Variants in PRKN observed in about 807,000 individuals in gnomAD.
PRKN encodes parkin RBR E3 ubiquitin protein ligase.
In PRKN, 56 loss-of-function variants were observed where a neutral mutation model predicts 59.5. The observed-to-expected ratio is 0.94, with a 90% CI of 0.76 to 1.18. The LOEUF is 1.18. Among genes scored for constraint, PRKN ranks in the 50% most tolerant of loss-of-function variants. The pLI is 0.00. For missense variants in PRKN, 657 were observed against 596.4 expected (o/e 1.10, Z -1.06); for synonymous variants, 250 against 222.1 (o/e 1.13, Z -1.12).
chr6:161,509,648 G>A (rs138275499), intron 9 of PRKN, among the ~76,000 whole-genome samples: 270 of 152,126 alleles, frequency 1.8e-3, no homozygotes, highest in African/African-American at 6.0e-3. Flanking sequence ...GTGAGAGGCC[G>A]AGGAGGGTGG....
intron 2 of PRKN, among the ~76,000 whole-genome samples, chr6:162,407,943 A>T (rs531172064): frequency 9.0e-5 from 13 of 144,234 alleles, no homozygotes; most frequent in East Asian, 7.9e-4. Context: ...TTCCTAATTT[A>T]AAAAAAAAAA....
At chr6:161,991,035 C>A (rs560760169) in intron 5 of PRKN, among the ~76,000 whole-genome samples, 1 of 152,192 alleles carries the variant, frequency 6.6e-6, no homozygotes, top group Non-Finnish European at 1.5e-5. Context: ...AAAGCTATCC[C>A]CATCAGACAA....
intron 3 of PRKN, among the ~76,000 whole-genome samples, chr6:162,245,776 G>C (rs922432797): frequency 6.6e-6 from 1 of 152,048 alleles, no homozygotes; most frequent in Non-Finnish European, 1.5e-5. Context: ...ATTTCCCTTT[G>C]GTGGTCACAG....
At chr6:161,897,445 T>C (rs1777670672) in intron 6 of PRKN, among the ~76,000 whole-genome samples, 2 of 152,330 alleles carry the variant, frequency 1.3e-5, no homozygotes, top group Admixed American at 1.3e-4. Context: ...TAAAGTATTA[T>C]CTCTTTTTTA....
At chr6:161,857,809 G>T (rs538989563) in intron 6 of PRKN, among the ~76,000 whole-genome samples, 16 of 152,298 alleles carry the variant, frequency 1.1e-4, no homozygotes, top group African/African-American at 3.8e-4. Context: ...CACTTCCAGT[G>T]AGCTCGAGTT....
chr6:162,044,919 G>T (rs1784196139), intron 5 of PRKN, among the ~76,000 whole-genome samples: 1 of 152,150 alleles, frequency 6.6e-6, no homozygotes, highest in Non-Finnish European at 1.5e-5. Context: ...TTCACAGAGG[G>T]AAGTCCTTGC....
At position 161,550,486 on chromosome 6, in the gene PRKN, T is replaced by C. The variant is rs1367213204; in HGVS notation, c.934-1483A>G. Among the ~76,000 whole-genome samples, 2 of 152,216 alleles carry C rather than the reference T, an allele frequency of 1.3e-5. No homozygotes were observed. The highest frequency in any genetic ancestry group is 4.8e-5 in the African/African-American group (2 of 41,456). On this transcript the variant is annotated intron_variant, in intron 8 of 11. Transcript: ENST00000366898. The surrounding 1 kb of genome is among the most constrained non-coding windows in gnomAD (Gnocchi z 4.0). The stretch of plus-strand genomic sequence containing the variant: ...ATCTATGACGTAAGCTAGGAGCTTA[T>C]GTCAACATCTATGCAAAAGATGGCA...
chr6:161,898,538 G>A (rs997014465), intron 6 of PRKN, among the ~76,000 whole-genome samples: 3 of 152,186 alleles, frequency 2.0e-5, no homozygotes, highest in Non-Finnish European at 2.9e-5. Flanking sequence ...CACAGCCATC[G>A]TTTATGGGAA....
At chr6:162,363,250 C>T (rs1409931672) in intron 2 of PRKN, among the ~76,000 whole-genome samples, 1 of 152,004 alleles carries the variant, frequency 6.6e-6, no homozygotes, top group African/African-American at 2.4e-5. Flanking sequence ...TAGTGTTCTG[C>T]AGAGGCAATT....
rs531531455 is a variant in PRKN, at chr6:162,081,199, C to T, written c.535-27025G>A. 2.0e-5 allele frequency among the ~76,000 whole-genome samples: 3 copies of T among 152,122 alleles called. No homozygotes were observed. The South Asian group carries it at 6.2e-4, about 32-fold the overall frequency. On this transcript the variant is annotated intron_variant, in intron 4 of 11. Coordinates refer to ENST00000366898, the MANE Select transcript of PRKN (RefSeq NM_004562.3). ...CTATTAATCTTCATATTTTGACCTC[C>T]ACTCATGAATCATGAAGTTCTTAAT...
chr6:162,115,450 C>A (rs568794579), intron 4 of PRKN, among the ~76,000 whole-genome samples: 5 of 151,300 alleles, frequency 3.3e-5, no homozygotes, highest in African/African-American at 1.2e-4. Context: ...ACATATGTAA[C>A]TAACCTGCAC....
intron 1 of PRKN, among the ~76,000 whole-genome samples, chr6:162,715,438 G>A (rs549709838): frequency 1.3e-5 from 2 of 152,300 alleles, no homozygotes; most frequent in East Asian, 3.9e-4. Context: ...AAGACAGTCT[G>A]AAGTACACAA....
At chr6:161,998,552 T>A (rs960580486) in intron 5 of PRKN, among the ~76,000 whole-genome samples, 3 of 152,124 alleles carry the variant, frequency 2.0e-5, no homozygotes, top group Non-Finnish European at 4.4e-5. Context: ...CAGGGCTCCA[T>A]CCAGTTATCC....
chr6:162,696,971 A>G (rs1482118203), intron 1 of PRKN, among the ~76,000 whole-genome samples: 1 of 152,226 alleles, frequency 6.6e-6, no homozygotes, highest in Non-Finnish European at 1.5e-5. Flanking sequence ...TATAATTAAC[A>G]TATCTATAAA....
At chr6:161,891,431 TTTCGTATTG>T (rs1230489260) in intron 6 of PRKN, among the ~76,000 whole-genome samples, 2 of 152,224 alleles carry the variant, frequency 1.3e-5, no homozygotes, top group African/African-American at 2.4e-5. Context: ...CTTCCTTCAA[TTTCGTATTG>T]TTCGGTGTGT....
chr6:162,596,414 A>C (rs977281222), intron 1 of PRKN, among the ~76,000 whole-genome samples: 1 of 152,190 alleles, frequency 6.6e-6, no homozygotes, highest in Non-Finnish European at 1.5e-5. Context: ...TTACCATGTG[A>C]TGTTTCTTAC....
chr6:162,604,913 C>T (rs926913139), intron 1 of PRKN, among the ~76,000 whole-genome samples: 3 of 152,146 alleles, frequency 2.0e-5, no homozygotes, highest in African/African-American at 4.8e-5. Flanking sequence ...GGCAGCACTT[C>T]ACTTCATTTC....
intron 2 of PRKN, among the ~76,000 whole-genome samples, chr6:162,291,870 T>C (rs1002948771): frequency 1.3e-5 from 2 of 151,914 alleles, no homozygotes; most frequent in African/African-American, 4.8e-5. Context: ...TGTTCTAATA[T>C]AGAGCAAACC....
At chr6:162,513,724 T>A (rs933373082) in intron 1 of PRKN, among the ~76,000 whole-genome samples, 1 of 152,084 alleles carries the variant, frequency 6.6e-6, no homozygotes, top group African/African-American at 2.4e-5. Flanking sequence ...GTTGACAATT[T>A]TAGGCATCAG....
Sources: gnomAD v4.1 joint callset for allele counts (sites outside exome capture counted in the v4.1 genomes callset) on GRCh38, gnomAD v4.1.1 for gene constraint, Gnocchi (gnomAD v3.1) non-coding constraint, MANE v1.5 for transcripts, NCBI Gene and HGNC (gene_info 2026-07-23, HGNC 2026-07-21) for gene names.